Variants in TNR observed in about 807,000 individuals in gnomAD.
TNR encodes the protein tenascin-R.
TNR carries 45 observed loss-of-function variants against 150.4 expected under a neutral mutation model. The ratio of observed to expected loss-of-function variants is 0.30; its 90% confidence interval spans 0.24 to 0.38. TNR has a LOEUF of 0.38. Among genes scored for constraint, TNR ranks in the 10% least tolerant of loss-of-function variants. The probability of loss-of-function intolerance (pLI) is 1.00; values close to 1 mark genes in which losing one functional copy is unlikely to be tolerated. For synonymous variants in TNR, 687 were observed against 678.4 expected, an observed-to-expected ratio of 1.01 and a Z score of -0.20; for missense variants, 1,544 against 1,759.1, an observed-to-expected ratio of 0.88 and a Z score of 2.19.
chr1:175,474,744 A>T (rs1657471438), intron 2 of TNR, among the ~76,000 whole-genome samples: 1 of 152,234 alleles, frequency 6.6e-6, no homozygotes, highest in South Asian at 2.1e-4. Context: ...AACATGCTGC[A>T]TGAGGAGGCT....
intron 1 of TNR, among the ~76,000 whole-genome samples, chr1:175,542,953 A>G (rs1534902): frequency 0.68 from 103,326 of 152,022 alleles, 35,335 homozygotes; most frequent in Admixed American, 0.72. Flanking sequence ...GAACTGTCAG[A>G]CAGAGCTCAG....
intron 8 of TNR, among the ~76,000 whole-genome samples, chr1:175,382,629 C>T (rs978155572): frequency 5.9e-5 from 9 of 152,188 alleles, no homozygotes; most frequent in Non-Finnish European, 1.2e-4. Flanking sequence ...TCTCTGGGCA[C>T]GGTGGCTCAC....
At chr1:175,422,421 C>T (rs1654791389) in intron 2 of TNR, among the ~76,000 whole-genome samples, 1 of 152,232 alleles carries the variant, frequency 6.6e-6, no homozygotes, top group South Asian at 2.1e-4. Flanking sequence ...CCATCCTTAC[C>T]TACCCAGGTG....
chr1:175,399,622 G>A lies in TNR; in HGVS notation c.977-2815C>T, dbSNP rs527649348. 3.9e-5 allele frequency among the ~76,000 whole-genome samples: 6 copies of A among 152,242 alleles called. No homozygotes were observed. In the South Asian group the frequency reaches 1.2e-3, roughly 32 times the overall value. On this transcript the variant is annotated intron_variant, in intron 4 of 22. Coordinates refer to ENST00000367674, the MANE Select transcript of TNR (RefSeq NM_003285.3). Reference sequence around the variant, plus strand: ...CTAGGCATCAGTAATCCTTATAAAAGAAAATTATATTGAACTGTACTGCAA... The same window carrying A: ...CTAGGCATCAGTAATCCTTATAAAAAAAAATTATATTGAACTGTACTGCAA...
chr1:175,655,895 T>A (rs542908466), intron 1 of TNR, among the ~76,000 whole-genome samples: 70 of 152,008 alleles, frequency 4.6e-4, no homozygotes, highest in African/African-American at 1.6e-3. Flanking sequence ...GATGGGGAGA[T>A]GGTAGGAGGA....
chr1:175,470,106 A>T (rs1437545125), intron 2 of TNR, among the ~76,000 whole-genome samples: 1 of 152,144 alleles, frequency 6.6e-6, no homozygotes, highest in Non-Finnish European at 1.5e-5. Flanking sequence ...GGGGGTACAC[A>T]GAAGGAGTTC....
intron 2 of TNR, among the ~76,000 whole-genome samples, chr1:175,454,903 A>G (rs1202997103): frequency 2.0e-5 from 3 of 152,150 alleles, no homozygotes; most frequent in Admixed American, 6.5e-5. Context: ...TGCTCCTCCC[A>G]TCATAGGTGG....
chr1:175,458,950 TCCA>T (rs61032715), intron 2 of TNR, among the ~76,000 whole-genome samples: 32,445 of 150,470 alleles, frequency 0.22, 8,035 homozygotes, highest in African/African-American at 0.62. Flanking sequence ...CATTAGCACC[TCCA>T]CCAACACCAT....
intron 1 of TNR, among the ~76,000 whole-genome samples, chr1:175,624,381 T>C (rs1218905395): frequency 6.6e-6 from 1 of 152,154 alleles, no homozygotes; most frequent in African/African-American, 2.4e-5. Flanking sequence ...TTTGCAGATA[T>C]ATTAGCTAGT....
chr1:175,705,385 G>A (rs540995202), intron 1 of TNR, among the ~76,000 whole-genome samples: 2 of 152,228 alleles, frequency 1.3e-5, no homozygotes, highest in Non-Finnish European at 2.9e-5. Context: ...AAGCCACTGT[G>A]ATCTAGAAGC....
intron 2 of TNR, among the ~76,000 whole-genome samples, chr1:175,525,470 A>G (rs1446567220): frequency 5.9e-5 from 9 of 152,226 alleles, no homozygotes; most frequent in Non-Finnish European, 8.8e-5. Context: ...AGGAAAGCAG[A>G]CATTTACACT....
chr1:175,562,588 A>G (rs2102211562), intron 1 of TNR, among the ~76,000 whole-genome samples: 1 of 152,356 alleles, frequency 6.6e-6, no homozygotes, highest in Middle Eastern at 3.4e-3. Context: ...CACACACCAT[A>G]CCCAAGGAAT....
chr1:175,607,732 G>A (rs1183539682), intron 1 of TNR, among the ~76,000 whole-genome samples: 2 of 152,214 alleles, frequency 1.3e-5, no homozygotes, highest in Non-Finnish European at 2.9e-5. Context: ...ATGGAGTTAA[G>A]CTCAACTAGG....
chr1:175,636,453 C>T (rs1402059318), intron 1 of TNR, among the ~76,000 whole-genome samples: 1 of 152,136 alleles, frequency 6.6e-6, no homozygotes, highest in Non-Finnish European at 1.5e-5. Flanking sequence ...TAGTTTCTCC[C>T]TGAGAAGCCC....
At chr1:175,326,145 C>T (rs965060991) in intron 21 of TNR, among the ~76,000 whole-genome samples, 1 of 151,946 alleles carries the variant, frequency 6.6e-6, no homozygotes, top group African/African-American at 2.4e-5. Flanking sequence ...AAACAGGCTG[C>T]GTGTTCTCTT....
chr1:175,349,621 A>G (rs1485544751), intron 18 of TNR, among the ~76,000 whole-genome samples: 1 of 152,244 alleles, frequency 6.6e-6, no homozygotes, highest in African/African-American at 2.4e-5. Flanking sequence ...ATGCCTGCCT[A>G]TGGAAGGTGG....
At chr1:175,353,294 T>C (rs1418003606) in intron 18 of TNR, among the ~76,000 whole-genome samples, 3 of 152,122 alleles carry the variant, frequency 2.0e-5, no homozygotes, top group Non-Finnish European at 4.4e-5. Flanking sequence ...TTGTAAAAAA[T>C]AGAGATGATA....
intron 1 of TNR, among the ~76,000 whole-genome samples, chr1:175,676,606 C>A (rs972340735): frequency 2.6e-5 from 4 of 152,116 alleles, no homozygotes; most frequent in Non-Finnish European, 5.9e-5. Context: ...GCTGGAAAGG[C>A]CAGAAGACTC....
Position 175,406,737 on chromosome 1 carries a change from T to A in TNR, c.-23A>T. 6.2e-7 allele frequency: 1 copy of A among 1,609,060 alleles called. No individual in the cohort carries two copies. The highest frequency in any genetic ancestry group is 8.5e-7 in the Non-Finnish European group (1 of 1,177,492). ...CATCCTCTCAGCCAGAGATCTGGGTTCAGGACCAGCCTGCAGCACACAGCA... is the reference window on the plus strand; with the variant it reads ...CATCCTCTCAGCCAGAGATCTGGGTACAGGACCAGCCTGCAGCACACAGCA... On this transcript the variant is annotated 5_prime_UTR_variant, in exon 3 of 23. An upstream open reading frame in the 5' UTR loses its in-frame stop. Coordinates refer to ENST00000367674, the MANE Select transcript of TNR (RefSeq NM_003285.3).
Sources: allele counts gnomAD v4.1 joint callset (sites outside exome capture counted in the v4.1 genomes callset), GRCh38; gene constraint gnomAD v4.1.1; transcripts MANE v1.5; gene names NCBI Gene and HGNC (gene_info 2026-07-23, HGNC 2026-07-21).